The following PCDH9 variants were observed in gnomAD, a reference collection of about 807,000 sequenced individuals.
PCDH9 encodes the protein protocadherin 9.
Under a neutral mutation model 70.6 loss-of-function variants are expected in PCDH9, and 24 were observed. The ratio of observed to expected loss-of-function variants is 0.34; its 90% CI spans 0.25 to 0.48. The LOEUF (loss-of-function observed/expected upper bound fraction) is 0.48, where lower values mean the gene tolerates loss of function less well. Ranked by LOEUF, PCDH9 falls within the 20% of genes least tolerant of loss-of-function variation. PCDH9 has a pLI of 0.99. For missense variants in PCDH9, 1,281 were observed against 1,503.6 expected, an observed-to-expected ratio of 0.85 and a Z score of 2.45; for synonymous variants, 562 against 558.5, an observed-to-expected ratio of 1.01 and a Z score of -0.09.
At chr13:66,899,586 T>C (rs1178729347) in intron 3 of PCDH9, among the ~76,000 whole-genome samples, 1 of 152,030 alleles carries the variant, frequency 6.6e-6, no homozygotes, top group Non-Finnish European at 1.5e-5. Context: ...CCAATAACTA[T>C]GAGACATTTT....
intron 2 of PCDH9, among the ~76,000 whole-genome samples, chr13:67,024,430 G>C (rs1375872474): frequency 6.6e-6 from 1 of 152,022 alleles, no homozygotes; most frequent in Admixed American, 6.6e-5. Flanking sequence ...AAGAAATTTT[G>C]TGAGCCAGTT....
At chr13:66,641,479 T>A (rs1184694749) in intron 3 of PCDH9, among the ~76,000 whole-genome samples, 1 of 152,162 alleles carries the variant, frequency 6.6e-6, no homozygotes, top group African/African-American at 2.4e-5. Context: ...TGTATGGAAA[T>A]ATGTGCGTGC....
intron 2 of PCDH9, among the ~76,000 whole-genome samples, chr13:67,030,618 G>A (rs1341477305): frequency 6.6e-6 from 1 of 151,702 alleles, no homozygotes; most frequent in Non-Finnish European, 1.5e-5. Context: ...CACCTTACAT[G>A]CATGCATCAA....
chr13:66,421,957 G>C (rs184746316), intron 4 of PCDH9, among the ~76,000 whole-genome samples: 36 of 152,292 alleles, frequency 2.4e-4, no homozygotes, highest in Non-Finnish European at 2.9e-4. Context: ...TAAAGGCATG[G>C]AGGAAGATTT....
At chr13:66,440,231 T>C (rs1957948163) in intron 4 of PCDH9, among the ~76,000 whole-genome samples, 1 of 152,148 alleles carries the variant, frequency 6.6e-6, no homozygotes, top group South Asian at 2.1e-4. Flanking sequence ...CATTTTGCAC[T>C]TTTATCATAA....
intron 3 of PCDH9, among the ~76,000 whole-genome samples, chr13:66,719,625 T>C (rs1207680241): frequency 6.6e-6 from 1 of 152,212 alleles, no homozygotes; most frequent in Non-Finnish European, 1.5e-5. Flanking sequence ...TTTGTTATAG[T>C]AGCCTGATTG....
At chr13:66,542,063 A>T (rs948009543) in intron 4 of PCDH9, among the ~76,000 whole-genome samples, 1 of 152,186 alleles carries the variant, frequency 6.6e-6, no homozygotes, top group Non-Finnish European at 1.5e-5. Flanking sequence ...GCCTTGGGAG[A>T]TCTGTGTAAA....
At chr13:66,746,488 G>C (rs2079365458) in intron 3 of PCDH9, among the ~76,000 whole-genome samples, 1 of 151,886 alleles carries the variant, frequency 6.6e-6, no homozygotes, top group South Asian at 2.1e-4. Flanking sequence ...ACCAGACAGA[G>C]AACTACAATA....
At chr13:67,194,930 C>CA (rs1002987606) in intron 2 of PCDH9, among the ~76,000 whole-genome samples, 3 of 152,002 alleles carry the variant, frequency 2.0e-5, no homozygotes, top group East Asian at 1.9e-4. Context: ...GACCGTTTAT[C>CA]AAAAAAAGTC....
intron 2 of PCDH9, among the ~76,000 whole-genome samples, chr13:67,034,143 C>A (rs904200927): frequency 1.3e-5 from 2 of 152,036 alleles, no homozygotes; most frequent in Non-Finnish European, 2.9e-5. Context: ...TGCCACCACA[C>A]CTGGCTAATT....
intron 4 of PCDH9, among the ~76,000 whole-genome samples, chr13:66,606,037 C>T (rs1272829420): frequency 2.0e-5 from 3 of 152,050 alleles, no homozygotes; most frequent in Non-Finnish European, 4.4e-5. Flanking sequence ...CATGGGGCTC[C>T]CCTCAGCATT....
chr13:66,450,114 T>C (rs2597823), intron 4 of PCDH9, among the ~76,000 whole-genome samples: 147,057 of 152,198 alleles, frequency 0.97, 71,226 homozygotes, highest in East Asian at 1. Flanking sequence ...CACAGACAAC[T>C]ACATCTTACC....
chr13:66,342,730 T>G (rs1402014839), intron 4 of PCDH9, among the ~76,000 whole-genome samples: 1 of 152,106 alleles, frequency 6.6e-6, no homozygotes, highest in African/African-American at 2.4e-5. Context: ...CCTTCTCAGC[T>G]TCCCGAGTAG....
chr13:66,576,998 G>T (rs1198876377), intron 4 of PCDH9, among the ~76,000 whole-genome samples: 1 of 151,662 alleles, frequency 6.6e-6, no homozygotes, highest in Non-Finnish European at 1.5e-5. Context: ...TAATTATGAA[G>T]ATATTATAAC....
intron 3 of PCDH9, among the ~76,000 whole-genome samples, chr13:66,791,257 A>T (rs1312574577): frequency 6.6e-6 from 1 of 152,136 alleles, no homozygotes; most frequent in Non-Finnish European, 1.5e-5. Context: ...ACAGGATTTA[A>T]TGTTTGACAA....
intron 3 of PCDH9, among the ~76,000 whole-genome samples, chr13:66,874,965 CAG>C (rs1399091231): frequency 8.1e-6 from 1 of 123,756 alleles, no homozygotes; most frequent in African/African-American, 3.3e-5. Context: ...GAGAGAGAGA[CAG>C]AGAGATATGT....
chr13:66,768,337 G>GCCTAAGCA (rs1283960686), intron 3 of PCDH9, among the ~76,000 whole-genome samples: 27 of 151,852 alleles, frequency 1.8e-4, no homozygotes, highest in African/African-American at 5.1e-4. Context: ...ATTTATATAA[G>GCCTAAGCA]CCTAAGCATA....
chr13:67,225,583 T>G lies in PCDH9; in HGVS notation c.2858A>C (p.Asp953Ala). 1.2e-6 allele frequency: 2 copies of G among 1,614,086 alleles called. No homozygotes were observed. The highest frequency in any genetic ancestry group is 1.7e-6 in the Non-Finnish European group (2 of 1,180,002). Reference sequence around the variant, plus strand: ...GTGCTTTTTCACGGAAACTGGAGTGTCTGGTTTGAGATGAAAAGCAGGCTG... The same window carrying G: ...GTGCTTTTTCACGGAAACTGGAGTGGCTGGTTTGAGATGAAAAGCAGGCTG... The part of the protein sequence containing the change: ...SPQPAFHLKP[D>A]TPVSVKKHHV... Residue 953 changes from aspartate to alanine, a missense_variant, in exon 2 of 5, where the codon GAC becomes GCC. Coordinates refer to ENST00000377865, the MANE Select transcript of PCDH9 (RefSeq NM_203487.3).
At chr13:66,528,648 T>C (rs1480534061) in intron 4 of PCDH9, among the ~76,000 whole-genome samples, 1 of 152,148 alleles carries the variant, frequency 6.6e-6, no homozygotes, top group Non-Finnish European at 1.5e-5. Context: ...GGAAAATCCA[T>C]TTAGAAAAGT....
Sources: gnomAD v4.1 joint callset for allele counts (sites outside exome capture counted in the v4.1 genomes callset) on GRCh38, gnomAD v4.1.1 for gene constraint, MANE v1.5 for transcripts, NCBI Gene and HGNC (gene_info 2026-07-23, HGNC 2026-07-21) for gene names.